Variants in TASP1 observed in about 807,000 individuals in gnomAD.
The protein encoded by TASP1 is threonine aspartase 1.
In TASP1, 16 loss-of-function variants were observed where a neutral mutation model predicts 56.6. The ratio of observed to expected loss-of-function variants is 0.28; its 90% confidence interval spans 0.19 to 0.43. TASP1 has a LOEUF of 0.43. Among genes scored for constraint, TASP1 ranks in the 20% least tolerant of loss-of-function variants. The pLI is 1.00. For missense variants in TASP1, 393 were observed against 511.6 expected (o/e 0.77, Z 2.24); for synonymous variants, 179 against 184.2 (o/e 0.97, Z 0.23).
At chr20:13,558,138 T>C (rs2046226279) in intron 8 of TASP1, among the ~76,000 whole-genome samples, 1 of 151,670 alleles carries the variant, frequency 6.6e-6, no homozygotes, top group Non-Finnish European at 1.5e-5. Flanking sequence ...GTAAACCATA[T>C]AAAACTATGA....
At chr20:13,452,979 C>T (rs892831705) in intron 11 of TASP1, among the ~76,000 whole-genome samples, 13 of 152,046 alleles carry the variant, frequency 8.6e-5, no homozygotes, top group Non-Finnish European at 1.6e-4. Context: ...AAGATGATGT[C>T]CCTAACAGGC....
At chr20:13,458,467 C>G (rs2146334068) in intron 11 of TASP1, among the ~76,000 whole-genome samples, 1 of 152,188 alleles carries the variant, frequency 6.6e-6, no homozygotes, top group African/African-American at 2.4e-5. Flanking sequence ...CCTGCCTCAG[C>G]CTCCCGAGTA....
rs946406979 is a variant in TASP1 at position 13,629,935 on chromosome 20, T to G, written c.144A>C (p.Ala48=). The change falls in exon 2 of 14, where the codon GCA becomes GCC. Residue 48 remains alanine, a splice_region_variant and synonymous_variant. Transcript: ENST00000337743. Reference sequence around the variant, plus strand: ...TTCCAAGCCATCCACAAAGCTTACCTGCATGCACCAACACAAAGCCTCCTC... The same window carrying G: ...TTCCAAGCCATCCACAAAGCTTACCGGCATGCACCAACACAAAGCCTCCTC... ...EKRGGFVLVH[A]GAGYHSESKA... 2.5e-6 allele frequency: 4 copies of G among 1,613,376 alleles called. No individual in the cohort carries two copies. Among genetic ancestry groups the G allele is most frequent in the African/African-American group, 1.3e-5 (1 of 74,914 alleles).
chr20:13,447,591 T>C (rs1309475054), intron 11 of TASP1, among the ~76,000 whole-genome samples: 5 of 152,118 alleles, frequency 3.3e-5, no homozygotes, highest in African/African-American at 1.2e-4. Context: ...GTGGAACAGC[T>C]ATCTTGTTCT....
At chr20:13,115,068 A>G in the TASP1 span, among the ~76,000 whole-genome samples, 1 of 152,236 alleles carries the variant, frequency 6.6e-6, no homozygotes, top group Non-Finnish European at 1.5e-5. Context: ...AAGTCAAAAG[A>G]AAAACACAAC....
chr20:13,540,935 C>T lies in TASP1; in HGVS notation c.676-6794G>A, dbSNP rs117082083. ...ATCTTAAAAAACAAAACCAAACATT[C>T]AAAACATCAGATCATGAACAAATTT... On this transcript the variant is annotated intron_variant, in intron 8 of 13. Coordinates refer to ENST00000337743, the MANE Select transcript of TASP1 (RefSeq NM_017714.3). Among the ~76,000 whole-genome samples, 105 of 150,550 alleles carry T rather than the reference C, an allele frequency of 7.0e-4. No individual in the cohort carries two copies. In the East Asian group the frequency reaches 0.019, roughly 28 times the overall value.
At chr20:13,298,847 C>T in the TASP1 span, 4 of 1,277,042 alleles carry the variant, frequency 3.1e-6, no homozygotes, top group South Asian at 1.4e-5. Flanking sequence ...CTCCTGCGGG[C>T]CCTCAGGAGC....
chr20:13,198,859 C>CTTTCTTTCT, the TASP1 span, among the ~76,000 whole-genome samples: 1 of 109,684 alleles, frequency 9.1e-6, no homozygotes, highest in Non-Finnish European at 1.9e-5. Context: ...TCTTTCTTTC[C>CTTTCTTTCT]TTCCTTCCTT....
intron 4 of TASP1, among the ~76,000 whole-genome samples, chr20:13,599,692 A>G (rs1007304865): frequency 2.0e-5 from 3 of 152,032 alleles, no homozygotes; most frequent in African/African-American, 7.2e-5. Flanking sequence ...AAAAAAATCA[A>G]TGTAATTCAC....
chr20:13,566,194 A>C (rs2046524314), intron 7 of TASP1, among the ~76,000 whole-genome samples: 1 of 152,178 alleles, frequency 6.6e-6, no homozygotes, highest in African/African-American at 2.4e-5. Flanking sequence ...GTTACTGCTT[A>C]ATGGGTACAG....
At chr20:13,503,226 A>G (rs959412059) in intron 10 of TASP1, among the ~76,000 whole-genome samples, 1 of 152,052 alleles carries the variant, frequency 6.6e-6, no homozygotes, top group Non-Finnish European at 1.5e-5. Context: ...ACCCCTAAAC[A>G]GCCCCATGGG....
chr20:13,153,118 T>C, the TASP1 span, among the ~76,000 whole-genome samples: 16 of 152,232 alleles, frequency 1.1e-4, no homozygotes, highest in African/African-American at 3.9e-4. Flanking sequence ...GGGACTTCAA[T>C]GTTTAATCCT....
intron 4 of TASP1, among the ~76,000 whole-genome samples, chr20:13,592,972 AC>A (rs769862571): frequency 1.3e-5 from 2 of 152,204 alleles, no homozygotes; most frequent in Admixed American, 6.5e-5. Context: ...CAAGTGAAAT[AC>A]ATCCCAGTAA....
chr20:13,381,113 C>G, the TASP1 span, among the ~76,000 whole-genome samples: 2 of 152,128 alleles, frequency 1.3e-5, no homozygotes, highest in African/African-American at 4.8e-5. Context: ...TTCCAGGCAC[C>G]ACTGGGGTGT....
intron 3 of TASP1, among the ~76,000 whole-genome samples, chr20:13,624,184 A>G (rs1232691336): frequency 1.3e-5 from 2 of 152,202 alleles, no homozygotes; most frequent in African/African-American, 4.8e-5. Context: ...AGAAAACTCA[A>G]AAACTAAGAA....
intron 12 of TASP1, among the ~76,000 whole-genome samples, chr20:13,422,125 G>A (rs1197884626): frequency 6.6e-6 from 1 of 151,714 alleles, no homozygotes; most frequent in Non-Finnish European, 1.5e-5. Flanking sequence ...CTAATTTTTT[G>A]TGTTTTTAGT....
chr20:13,351,376 C>T, the TASP1 span, among the ~76,000 whole-genome samples: 8 of 152,144 alleles, frequency 5.3e-5, no homozygotes, highest in African/African-American at 1.2e-4. Flanking sequence ...TACCTGGTCA[C>T]GAATGTTTTA....
At chr20:13,325,978 C>T in the TASP1 span, among the ~76,000 whole-genome samples, 6 of 152,168 alleles carry the variant, frequency 3.9e-5, no homozygotes, top group African/African-American at 1.4e-4. Flanking sequence ...TCACATCTTC[C>T]ACCCAACCCT....
At chr20:13,248,167 T>C in the TASP1 span, among the ~76,000 whole-genome samples, 1 of 152,244 alleles carries the variant, frequency 6.6e-6, no homozygotes, top group Admixed American at 6.5e-5. Flanking sequence ...AGTACATTTC[T>C]TTGTGTGCAC....
Sources: gnomAD v4.1 joint callset for allele counts (sites outside exome capture counted in the v4.1 genomes callset) on GRCh38, gnomAD v4.1.1 for gene constraint, MANE v1.5 for transcripts, NCBI Gene and HGNC (gene_info 2026-07-23, HGNC 2026-07-21) for gene names.